The following FSTL4 variants were observed in gnomAD, a reference collection of about 807,000 sequenced individuals.
The protein encoded by FSTL4 is follistatin-related protein 4.
A neutral mutation model predicts 78.2 loss-of-function variants in FSTL4; 28 were observed. The observed-to-expected ratio is 0.36, with a 90% CI of 0.27 to 0.49. FSTL4 has a LOEUF of 0.49. Ranked by LOEUF, FSTL4 falls within the 20% of genes least tolerant of loss-of-function variation. The pLI, the probability that FSTL4 is intolerant of heterozygous loss-of-function variation, is 0.98. For missense variants in FSTL4, 922 were observed against 1,084.9 expected (o/e 0.85, Z 2.11); for synonymous variants, 422 against 440.5 (o/e 0.96, Z 0.53).
At chr5:133,521,630 G>T (rs142715941) in intron 3 of FSTL4, among the ~76,000 whole-genome samples, 2 of 152,092 alleles carry the variant, frequency 1.3e-5, no homozygotes, top group Non-Finnish European at 2.9e-5. Flanking sequence ...CAGAAGAAAT[G>T]ATTCTCAATA....
chr5:133,448,603 T>G (rs1452498627), intron 3 of FSTL4, among the ~76,000 whole-genome samples: 1 of 152,178 alleles, frequency 6.6e-6, no homozygotes, highest in East Asian at 1.9e-4. Context: ...CTCAGCTCAC[T>G]GTCACTGTCC....
At chr5:133,322,505 T>C (rs1754096223) in intron 4 of FSTL4, among the ~76,000 whole-genome samples, 2 of 152,028 alleles carry the variant, frequency 1.3e-5, no homozygotes, top group Non-Finnish European at 2.9e-5. Flanking sequence ...GAACAGGAAG[T>C]AGACTGGGAA....
At chr5:133,410,004 C>T (rs755749673) in intron 3 of FSTL4, among the ~76,000 whole-genome samples, 3 of 152,178 alleles carry the variant, frequency 2.0e-5, no homozygotes, top group Middle Eastern at 3.2e-3. Flanking sequence ...ACATCAGAGC[C>T]TGTGTTTTAA....
At chr5:133,292,694 C>A (rs1753294104) in intron 6 of FSTL4, among the ~76,000 whole-genome samples, 1 of 151,766 alleles carries the variant, frequency 6.6e-6, no homozygotes, top group South Asian at 2.1e-4. Context: ...AGAGCCTGCC[C>A]CCACAAGTTA....
At chr5:133,313,207 G>C (rs1322713977) in intron 5 of FSTL4, among the ~76,000 whole-genome samples, 1 of 152,180 alleles carries the variant, frequency 6.6e-6, no homozygotes, top group African/African-American at 2.4e-5. Context: ...GCTTCCAGCT[G>C]CATAGAGCTG....
Position 133,222,268 on chromosome 5 carries a change from C to T in FSTL4, c.1340-1402G>A, listed in dbSNP as rs541908574. ...CAGCATAGCTCTCCATAAGCAATCC[C>T]GGGGGAATCAGGGGCGCTGGGCAGC... On this transcript the variant is annotated intron_variant, in intron 11 of 15. Transcript: ENST00000265342. Among the ~76,000 whole-genome samples the T allele has an allele frequency of 1.9e-4, 29 of 152,210 alleles. No individual in the cohort carries two copies. The East Asian group carries it at 2.3e-3, about 12-fold the overall frequency.
chr5:133,399,732 G>C (rs936650127), intron 4 of FSTL4, among the ~76,000 whole-genome samples: 1 of 152,194 alleles, frequency 6.6e-6, no homozygotes, highest in Non-Finnish European at 1.5e-5. Context: ...CAGGTGTCTA[G>C]TCCAAGCCTC....
intron 14 of FSTL4, 89 bp from the exon 15 acceptor site, chr5:133,202,131 G>A (rs750477266): frequency 8.6e-5 from 65 of 752,110 alleles, no homozygotes; most frequent in Non-Finnish European, 1.1e-4. Flanking sequence ...GAGTCACCCC[G>A]GCAGAGGGGT....
At chr5:133,663,351 T>C in the FSTL4 span, among the ~76,000 whole-genome samples, 1 of 152,254 alleles carries the variant, frequency 6.6e-6, no homozygotes, top group South Asian at 2.1e-4. Context: ...GGAGGTTTCA[T>C]GAAGGGAACT....
intron 3 of FSTL4, among the ~76,000 whole-genome samples, chr5:133,414,433 G>A (rs776555996): frequency 6.6e-6 from 1 of 151,488 alleles, no homozygotes; most frequent in Non-Finnish European, 1.5e-5. Flanking sequence ...TGCCTACCTC[G>A]GAAGGACCCT....
intron 3 of FSTL4, among the ~76,000 whole-genome samples, chr5:133,473,019 A>C (rs905634742): frequency 6.6e-6 from 1 of 152,188 alleles, no homozygotes; most frequent in Non-Finnish European, 1.5e-5. Context: ...TTCTCAGCAA[A>C]GGCTATTGTG....
intron 6 of FSTL4, among the ~76,000 whole-genome samples, chr5:133,284,588 C>T (rs1753086330): frequency 6.7e-6 from 1 of 149,900 alleles, no homozygotes; most frequent in Non-Finnish European, 1.5e-5. Context: ...AGACACAGCC[C>T]CTGGCATGTG....
the FSTL4 span, among the ~76,000 whole-genome samples, chr5:133,625,091 T>C: frequency 6.6e-6 from 1 of 151,790 alleles, no homozygotes; most frequent in African/African-American, 2.4e-5. Context: ...GTTTTTTTTG[T>C]AGTGTTTTTG....
At chr5:133,679,087 G>A in the FSTL4 span, among the ~76,000 whole-genome samples, 3 of 152,240 alleles carry the variant, frequency 2.0e-5, no homozygotes, top group East Asian at 5.8e-4. Flanking sequence ...CTGTGTGCAG[G>A]CTTCCCTATG....
chr5:133,344,888 T>G (rs1443792108), intron 4 of FSTL4, among the ~76,000 whole-genome samples: 3 of 152,152 alleles, frequency 2.0e-5, no homozygotes, highest in Admixed American at 2.0e-4. Flanking sequence ...TTAGCTCTTC[T>G]GTTTCTTGGA....
At chr5:133,710,832 T>C in the FSTL4 span, among the ~76,000 whole-genome samples, 7 of 152,344 alleles carry the variant, frequency 4.6e-5, no homozygotes, top group Non-Finnish European at 4.4e-5. Flanking sequence ...CCTCATCATA[T>C]GAGAAAAGAG....
At chr5:133,231,181 A>G (rs1005628185) in intron 8 of FSTL4, among the ~76,000 whole-genome samples, 4 of 137,020 alleles carry the variant, frequency 2.9e-5, no homozygotes, top group African/African-American at 5.7e-5. Flanking sequence ...CCTACCTTGG[A>G]AAAAAAAAAA....
the FSTL4 span, among the ~76,000 whole-genome samples, chr5:133,655,757 T>C: frequency 1.3e-5 from 2 of 152,110 alleles, no homozygotes. Context: ...CCAAGACTTA[T>C]TTTAGTTGGG....
At position 133,491,422 on chromosome 5, in the gene FSTL4, C is replaced by T. The variant is rs529200873; in HGVS notation, c.160+75764G>A. 9.0e-5 allele frequency among the ~76,000 whole-genome samples: 13 copies of T among 143,692 alleles called. No homozygotes were observed. In the South Asian group the frequency reaches 1.3e-3, roughly 14 times the overall value. 94.3% of individuals were successfully genotyped at this position (143,692 alleles called of 152,430 possible). ...TTTTCTTTTTTTTTTTTTTTTGAGA[C>T]GGAGTCTCACTCTGCTGCCCAGGCT... On this transcript the variant is annotated intron_variant, in intron 3 of 15. Coordinates refer to ENST00000265342, the MANE Select transcript of FSTL4 (RefSeq NM_015082.2).
Sources: allele counts gnomAD v4.1 joint callset (sites outside exome capture counted in the v4.1 genomes callset), GRCh38; gene constraint gnomAD v4.1.1; transcripts MANE v1.5; gene names NCBI Gene and HGNC (gene_info 2026-07-23, HGNC 2026-07-21).